The following CACNA1E variants were observed in gnomAD, a reference collection of about 807,000 sequenced individuals.
CACNA1E encodes voltage-dependent R-type calcium channel subunit alpha-1E.
In CACNA1E, 40 loss-of-function variants were observed where a neutral mutation model predicts 259.2. The ratio of observed to expected loss-of-function variants is 0.15; its 90% CI spans 0.12 to 0.20. The LOEUF is 0.20. Among genes scored for constraint, CACNA1E ranks in the 10% least tolerant of loss-of-function variants. The pLI, the probability that CACNA1E is intolerant of heterozygous loss-of-function variation, is 1.00. For missense variants in CACNA1E, 1,874 were observed against 3,040.1 expected (o/e 0.62, Z 9.02); for synonymous variants, 1,104 against 1,138.5 (o/e 0.97, Z 0.61).
At chr1:181,384,114 C>G (rs1655663350) in intron 1 of CACNA1E, among the ~76,000 whole-genome samples, 1 of 152,208 alleles carries the variant, frequency 6.6e-6, no homozygotes, top group Non-Finnish European at 1.5e-5. Context: ...TTGGGCACCA[C>G]AGCTTTTGAT....
chr1:181,712,007 T>C (rs748026065), intron 8 of CACNA1E, among the ~76,000 whole-genome samples: 4 of 152,170 alleles, frequency 2.6e-5, no homozygotes, highest in Non-Finnish European at 5.9e-5. Context: ...TGCCGCCATC[T>C]AGGGAGGAGA....
In CACNA1E at chr1:181,755,246, G is replaced by A. The variant is rs1169304498; in HGVS notation, c.3838G>A (p.Asp1280Asn). ...TTTGCTCTGTCCACAGGCCGTCTTC[G>A]ACTGCGTAGTGACCTCCTTGAAGAA... ...KRLPKLKAVFDCVVTSLKNVF... is the reference protein window; with the variant it reads ...KRLPKLKAVFNCVVTSLKNVF... The change falls in exon 28 of 48, where the codon GAC becomes AAC. Residue 1280 changes from aspartate (D) to asparagine (N), a missense_variant. Physicochemically the swap from Asp to Asn is conservative, Grantham distance 23 (BLOSUM62 1). This residue lies in a region of CACNA1E where 188 missense variants were observed against 540.6 expected (regional missense o/e 0.35). Transcript: ENST00000367573. The A allele has an allele frequency of 1.9e-6, 3 of 1,613,502 alleles. No individual in the cohort carries two copies. Among genetic ancestry groups the A allele is most frequent in the Admixed American group, 1.7e-5 (1 of 59,972 alleles).
intron 1 of CACNA1E, among the ~76,000 whole-genome samples, chr1:181,386,809 C>G (rs927943936): frequency 1.3e-5 from 2 of 152,164 alleles, no homozygotes; most frequent in African/African-American, 4.8e-5. Flanking sequence ...TAAGCCTTCC[C>G]CAAACACTGA....
At chr1:181,324,913 G>A (rs1650649641) in intron 1 of CACNA1E, among the ~76,000 whole-genome samples, 1 of 152,172 alleles carries the variant, frequency 6.6e-6, no homozygotes, top group Admixed American at 6.5e-5. Context: ...GGGAAGAGAC[G>A]TCCAGGCCTC....
At chr1:181,518,273 G>A (rs1666737411) in intron 3 of CACNA1E, among the ~76,000 whole-genome samples, 1 of 152,096 alleles carries the variant, frequency 6.6e-6, no homozygotes, top group African/African-American at 2.4e-5. Flanking sequence ...GGGGAGGTCT[G>A]CAAGCCTGTA....
At chr1:181,712,633 C>A (rs921456093) in intron 8 of CACNA1E, among the ~76,000 whole-genome samples, 4 of 152,196 alleles carry the variant, frequency 2.6e-5, no homozygotes, top group African/African-American at 9.7e-5. Flanking sequence ...GCATTTCGCC[C>A]TTTCTCCTCC....
chr1:181,359,640 C>A (rs1397445282), intron 1 of CACNA1E, among the ~76,000 whole-genome samples: 1 of 152,134 alleles, frequency 6.6e-6, no homozygotes, highest in Non-Finnish European at 1.5e-5. Flanking sequence ...GTTTGGATAT[C>A]CACCCAGAAG....
At chr1:181,519,285 T>G (rs1666823720) in intron 3 of CACNA1E, among the ~76,000 whole-genome samples, 1 of 152,238 alleles carries the variant, frequency 6.6e-6, no homozygotes, top group African/African-American at 2.4e-5. Context: ...CACTTGTGTC[T>G]ATGTTGTAAA....
chr1:181,592,658 A>G (rs1417796858), intron 6 of CACNA1E, among the ~76,000 whole-genome samples: 1 of 152,136 alleles, frequency 6.6e-6, no homozygotes, highest in African/African-American at 2.4e-5. Flanking sequence ...ATACCTAGGC[A>G]ATCTGAGGGG....
intron 6 of CACNA1E, among the ~76,000 whole-genome samples, chr1:181,583,670 C>T (rs917682119): frequency 3.0e-4 from 45 of 152,198 alleles, no homozygotes; most frequent in Non-Finnish European, 6.0e-4. Flanking sequence ...CTATTAACTT[C>T]ATTTGCTTGT....
chr1:181,643,112 T>G (rs1657948441), intron 6 of CACNA1E, among the ~76,000 whole-genome samples: 1 of 152,214 alleles, frequency 6.6e-6, no homozygotes, highest in South Asian at 2.1e-4. Flanking sequence ...TAAACTAATT[T>G]TATTTTGGAG....
chr1:181,512,456 C>T (rs1038699480), intron 3 of CACNA1E, among the ~76,000 whole-genome samples: 6 of 151,772 alleles, frequency 4.0e-5, no homozygotes, highest in African/African-American at 7.3e-5. Flanking sequence ...GCAGGGAAGG[C>T]GAAATATTAG....
At chr1:181,329,991 G>C (rs1651122471) in intron 1 of CACNA1E, among the ~76,000 whole-genome samples, 2 of 152,162 alleles carry the variant, frequency 1.3e-5, no homozygotes, top group African/African-American at 4.8e-5. Context: ...GCAGGGATTT[G>C]CCCCTCCCAG....
At position 181,767,331 on chromosome 1, in the gene CACNA1E, T is replaced by C. The variant is rs12073438; in HGVS notation, c.4881+720T>C. Among the ~76,000 whole-genome samples, 1,256 of 152,268 alleles carry C rather than the reference T, an allele frequency of 8.2e-3. 24 individuals carry two copies. The highest frequency in any genetic ancestry group is 0.028 in the African/African-American group (1,174 of 41,556). On this transcript the variant is annotated intron_variant, in intron 35 of 47. Coordinates refer to ENST00000367573, the MANE Select transcript of CACNA1E (RefSeq NM_001205293.3). ...TGATGGTGGTTCTTGGTGGGTGAATTCCTACTGTAAATAACCAGCAGCACA... is the reference window on the plus strand; with the variant it reads ...TGATGGTGGTTCTTGGTGGGTGAATCCCTACTGTAAATAACCAGCAGCACA...
At chr1:181,357,412 G>A (rs1315530488) in intron 1 of CACNA1E, among the ~76,000 whole-genome samples, 1 of 152,212 alleles carries the variant, frequency 6.6e-6, no homozygotes, top group East Asian at 1.9e-4. Flanking sequence ...GGATGCGTTA[G>A]TCTCTTCTCA....
At chr1:181,729,296 G>A (rs551352738) in intron 18 of CACNA1E, among the ~76,000 whole-genome samples, 1 of 152,230 alleles carries the variant, frequency 6.6e-6, no homozygotes, top group African/African-American at 2.4e-5. Context: ...TGTGTGCTCT[G>A]CACAGGTGTG....
intron 6 of CACNA1E, among the ~76,000 whole-genome samples, chr1:181,620,115 A>G (rs1655593972): frequency 6.6e-6 from 1 of 152,176 alleles, no homozygotes; most frequent in African/African-American, 2.4e-5. Context: ...GTATATGGCC[A>G]AGATAGGGTT....
At position 181,556,546 on chromosome 1, in the gene CACNA1E, A is replaced by G. The variant is rs560821926; in HGVS notation, c.513-21220A>G. ...CTGTCTCCCTGGGTAGCACATCCCC[A>G]AAGAATCCTCTGAGCATTGATCTTT... is the stretch of plus-strand genomic sequence containing the variant. On this transcript the variant is annotated intron_variant, in intron 3 of 47. Transcript: ENST00000367573. Among the ~76,000 whole-genome samples the G allele has an allele frequency of 2.0e-5, 3 of 152,312 alleles. No homozygotes were observed. The East Asian group carries it at 5.8e-4, about 29-fold the overall frequency.
At chr1:181,565,126 T>A (rs767626137) in intron 3 of CACNA1E, among the ~76,000 whole-genome samples, 2 of 152,206 alleles carry the variant, frequency 1.3e-5, no homozygotes, top group African/African-American at 4.8e-5. Flanking sequence ...CTTTTGAGGC[T>A]CTTATAAGTC....
Sources: gnomAD v4.1 joint callset for allele counts (sites outside exome capture counted in the v4.1 genomes callset) on GRCh38, gnomAD v4.1.1 for gene constraint, gnomAD v4.1.1 regional missense constraint, MANE v1.5 for transcripts, NCBI Gene and HGNC (gene_info 2026-07-23, HGNC 2026-07-21) for gene names.